Variants in AP3S1 observed in about 807,000 individuals in gnomAD.
AP3S1 encodes adaptor related protein complex 3 subunit sigma 1, also known as AP-3 complex subunit sigma-1.
AP3S1 carries 12 observed loss-of-function variants against 21.3 expected under a neutral mutation model. That is an observed-to-expected ratio of 0.56 (90% confidence interval 0.36 to 0.91). The LOEUF (loss-of-function observed/expected upper bound fraction) is 0.91, where lower values mean the gene tolerates loss of function less well. AP3S1 is among the 40% of genes least tolerant of loss of function. The pLI, the probability that AP3S1 is intolerant of heterozygous loss-of-function variation, is 0.01. For synonymous variants in AP3S1, 48 were observed against 78.4 expected (o/e 0.61, Z 2.05); for missense variants, 116 against 225.0 (o/e 0.52, Z 3.10).
chr5:115,842,394 C>T lies in AP3S1; in HGVS notation c.69+288C>T, dbSNP rs1338670171. 1.6e-5 allele frequency: 5 copies of T among 317,464 alleles called. No individual in the cohort carries two copies. The East Asian group carries it at 3.1e-4, about 19-fold the overall frequency. The allele number at this position is 317,464 out of a possible 1,614,324, so 19.7% of individuals were successfully genotyped here. On this transcript the variant is annotated intron_variant, in intron 1 of 5. Transcript: ENST00000316788. ...GCGAGGCCCTGGAGACTTCCCGGGG[C>T]CCGGCCCTCGCCGATCGGGCAGCCG...
At chr5:115,890,148 A>G (rs1353712970) in intron 3 of AP3S1, among the ~76,000 whole-genome samples, 1 of 152,250 alleles carries the variant, frequency 6.6e-6, no homozygotes, top group Non-Finnish European at 1.5e-5. Context: ...TACTCCAAGT[A>G]TACAATCAGT....
intron 5 of AP3S1, 140 bp downstream of exon 5, chr5:115,903,132 A>T (rs1184422498): frequency 1.6e-6 from 1 of 612,236 alleles, no homozygotes; most frequent in Non-Finnish European, 2.9e-6. Flanking sequence ...AAAAAATGGA[A>T]TATACACGTA....
intron 4 of AP3S1, among the ~76,000 whole-genome samples, chr5:115,898,371 A>G (rs1561520967): frequency 6.6e-6 from 1 of 152,204 alleles, no homozygotes; most frequent in African/African-American, 2.4e-5. Context: ...ATAAATCTTT[A>G]CATGCTAATA....
At chr5:115,902,699 G>A (rs566978491) in intron 4 of AP3S1, among the ~76,000 whole-genome samples, 186 bp from the exon 5 acceptor site, 1 of 152,224 alleles carries the variant, frequency 6.6e-6, no homozygotes, top group South Asian at 2.1e-4. Flanking sequence ...TCAGACTTAA[G>A]GAGGTTATAT....
chr5:115,902,639 A>G (rs1014645594), intron 4 of AP3S1, among the ~76,000 whole-genome samples: 3 of 152,150 alleles, frequency 2.0e-5, no homozygotes, highest in African/African-American at 7.2e-5. Flanking sequence ...ATTCCTTTCA[A>G]CAGTCCTATG....
Position 115,873,341 on chromosome 5 carries a change from C to T in AP3S1, c.273+3213C>T, listed in dbSNP as rs73253119. Among the ~76,000 whole-genome samples, 725 of 152,238 alleles carry T rather than the reference C, an allele frequency of 4.8e-3. 4 individuals carry two copies. Among genetic ancestry groups the T allele is most frequent in the African/African-American group, 0.017 (691 of 41,554 alleles). ...CAAAATTTTTTATCCATGCTTCACACGTTGATCACTTGTTTTGATATTAGA... is the reference window on the plus strand; with the variant it reads ...CAAAATTTTTTATCCATGCTTCACATGTTGATCACTTGTTTTGATATTAGA... On this transcript the variant is annotated intron_variant, in intron 3 of 5. Transcript: ENST00000316788.
intron 3 of AP3S1, among the ~76,000 whole-genome samples, chr5:115,874,072 G>A (rs1026751900): frequency 9.9e-5 from 15 of 151,978 alleles, no homozygotes; most frequent in Admixed American, 1.3e-4. Flanking sequence ...AATTTACACC[G>A]CTATTCCACC....
intron 1 of AP3S1, among the ~76,000 whole-genome samples, chr5:115,845,615 C>A (rs751603915): frequency 3.9e-5 from 6 of 151,978 alleles, no homozygotes; most frequent in Non-Finnish European, 8.8e-5. Flanking sequence ...AGGCGGATCA[C>A]CTGAGGTCAA....
chr5:115,873,709 A>G (rs1184523577), intron 3 of AP3S1, among the ~76,000 whole-genome samples: 1 of 152,186 alleles, frequency 6.6e-6, no homozygotes, highest in Non-Finnish European at 1.5e-5. Context: ...TTCATCAAAT[A>G]GCTATTCAGA....
At chr5:115,907,669 A>G (rs1160516245) in intron 5 of AP3S1, among the ~76,000 whole-genome samples, 1 of 152,180 alleles carries the variant, frequency 6.6e-6, no homozygotes, top group Non-Finnish European at 1.5e-5. Context: ...ATGTTTTAGT[A>G]TTGAATTAAA....
chr5:115,888,000 T>C (rs1188934054), intron 3 of AP3S1, among the ~76,000 whole-genome samples: 4 of 152,132 alleles, frequency 2.6e-5, no homozygotes, highest in African/African-American at 9.7e-5. Flanking sequence ...ATTTTTTGAA[T>C]ACTAGGTAAT....
chr5:115,901,905 T>G (rs748979132), intron 4 of AP3S1, among the ~76,000 whole-genome samples: 2 of 152,188 alleles, frequency 1.3e-5, no homozygotes, highest in Non-Finnish European at 2.9e-5. Context: ...AATACATATT[T>G]AACTCCTAAA....
At chr5:115,851,457 A>T (rs1354323946) in intron 1 of AP3S1, among the ~76,000 whole-genome samples, 1 of 152,132 alleles carries the variant, frequency 6.6e-6, no homozygotes, top group Admixed American at 6.6e-5. Flanking sequence ...CAATGCACAA[A>T]GGTTCTAGTT....
intron 1 of AP3S1, 31 bp from the exon 2 acceptor site, chr5:115,866,639 A>G (rs772218987): frequency 3.4e-6 from 5 of 1,474,082 alleles, no homozygotes; most frequent in Non-Finnish European, 4.7e-6. Flanking sequence ...TATACACTCC[A>G]TCCTAATATA....
intron 1 of AP3S1, among the ~76,000 whole-genome samples, chr5:115,850,831 G>GA (rs925125306): frequency 1.3e-5 from 2 of 152,174 alleles, no homozygotes; most frequent in African/African-American, 4.8e-5. Flanking sequence ...GGGAGACTCA[G>GA]ACTCAAGTAT....
At chr5:115,913,216 C>A in intron 5 of AP3S1, 146 bp from the exon 6 acceptor site, 1 of 653,070 alleles carries the variant, frequency 1.5e-6, no homozygotes, top group East Asian at 3.3e-5. Context: ...TTCAAAGTAA[C>A]CATTCCATAC....
At chr5:115,905,090 A>G (rs1406281607) in intron 5 of AP3S1, among the ~76,000 whole-genome samples, 1 of 152,208 alleles carries the variant, frequency 6.6e-6, no homozygotes, top group Non-Finnish European at 1.5e-5. Flanking sequence ...CTACTGCTCA[A>G]GGTCATCCCC....
At chr5:115,888,874 T>G (rs1750024289) in intron 3 of AP3S1, among the ~76,000 whole-genome samples, 1 of 152,200 alleles carries the variant, frequency 6.6e-6, no homozygotes, top group East Asian at 1.9e-4. Flanking sequence ...TGCTGGGCAC[T>G]CTATCTAAAT....
At chr5:115,887,257 G>A (rs996051806) in intron 3 of AP3S1, among the ~76,000 whole-genome samples, 1 of 151,962 alleles carries the variant, frequency 6.6e-6, no homozygotes, top group Non-Finnish European at 1.5e-5. Context: ...CATCTTGCTG[G>A]TGATAAAAAA....
Sources: gnomAD v4.1 joint callset for allele counts (sites outside exome capture counted in the v4.1 genomes callset) on GRCh38, gnomAD v4.1.1 for gene constraint, MANE v1.5 for transcripts, NCBI Gene and HGNC (gene_info 2026-07-23, HGNC 2026-07-21) for gene names.